SDC3: variants seen among roughly 807,000 people sequenced by gnomAD.
SDC3 encodes the protein syndecan-3.
SDC3 carries 13 observed loss-of-function variants against 24.4 expected under a neutral mutation model. The observed-to-expected ratio is 0.53, with a 90% CI of 0.35 to 0.85. The LOEUF (loss-of-function observed/expected upper bound fraction) is 0.85. Among genes scored for constraint, SDC3 ranks in the 40% least tolerant of loss-of-function variants. SDC3 has a pLI of 0.01. For missense variants in SDC3, 571 were observed against 584.5 expected, an observed-to-expected ratio of 0.98 and a Z score of 0.24; for synonymous variants, 295 against 260.9, an observed-to-expected ratio of 1.13 and a Z score of -1.26.
chr1:30,895,161 A>G lies in SDC3; in HGVS notation c.138+13288T>C, dbSNP rs150968167. Among the ~76,000 whole-genome samples the G allele has an allele frequency of 9.9e-5, 15 of 152,202 alleles. No homozygotes were observed. The East Asian group carries it at 2.7e-3, about 27-fold the overall frequency. On this transcript the variant is annotated intron_variant, in intron 1 of 4. Transcript: ENST00000339394. ...GATCCCCCTGGCATAGGCTACAAAC[A>G]CTTTTTCCTACAAAGACACCAGGGC... is the stretch of plus-strand genomic sequence containing the variant.
intron 1 of SDC3, among the ~76,000 whole-genome samples, chr1:30,899,603 C>T (rs900424941): frequency 5.3e-5 from 8 of 152,180 alleles, no homozygotes; most frequent in Admixed American, 4.6e-4. Flanking sequence ...AACTCCTGAC[C>T]TCATGATCCA....
chr1:30,897,472 T>A (rs1638296939), intron 1 of SDC3, among the ~76,000 whole-genome samples: 1 of 152,126 alleles, frequency 6.6e-6, no homozygotes, highest in South Asian at 2.1e-4. Context: ...TGGGTTAGCC[T>A]CTGCCCATAG....
intron 2 of SDC3, chr1:30,878,339 G>A (rs951607092): frequency 3.0e-6 from 1 of 332,086 alleles, no homozygotes; most frequent in Non-Finnish European, 5.7e-6. Flanking sequence ...CCGGAACCAA[G>A]CAAGGTCTGC....
At chr1:30,906,852 G>A (rs1010924925) in intron 1 of SDC3, among the ~76,000 whole-genome samples, 3 of 152,176 alleles carry the variant, frequency 2.0e-5, no homozygotes, top group African/African-American at 7.2e-5. Context: ...GACCCCAGCT[G>A]CTAGGGTGTG....
At chr1:30,877,727 A>T in intron 2 of SDC3, 1 of 156,204 alleles carries the variant, frequency 6.4e-6, no homozygotes. Flanking sequence ...GATGGGGAGT[A>T]GGGGATGGGG....
chr1:30,891,321 G>T (rs1177954999), intron 1 of SDC3, among the ~76,000 whole-genome samples: 5 of 152,152 alleles, frequency 3.3e-5, no homozygotes, highest in Non-Finnish European at 1.5e-5. Flanking sequence ...ATCTTCACCT[G>T]GCTCCCAAGC....
intron 1 of SDC3, among the ~76,000 whole-genome samples, chr1:30,889,741 C>T (rs960315750): frequency 6.6e-6 from 1 of 152,186 alleles, no homozygotes; most frequent in African/African-American, 2.4e-5. Context: ...AACCCTCACA[C>T]ACCACTGGTG....
intron 1 of SDC3, among the ~76,000 whole-genome samples, chr1:30,901,207 G>A (rs1380834419): frequency 1.3e-5 from 2 of 152,198 alleles, no homozygotes; most frequent in African/African-American, 4.8e-5. Flanking sequence ...ATCTAAGGCT[G>A]GAGAGCCAGC....
chr1:30,900,306 G>A (rs896496388), intron 1 of SDC3, among the ~76,000 whole-genome samples: 4 of 152,170 alleles, frequency 2.6e-5, no homozygotes, highest in African/African-American at 9.7e-5. Context: ...AGTATTGGCC[G>A]TTATCTTTCT....
At chr1:30,896,952 A>AAT (rs1168607326) in intron 1 of SDC3, among the ~76,000 whole-genome samples, 1 of 152,198 alleles carries the variant, frequency 6.6e-6, no homozygotes, top group Non-Finnish European at 1.5e-5. Context: ...AACAGAGTAA[A>AAT]AGTCCATGCC....
At chr1:30,876,498 T>G in intron 3 of SDC3, 54 bp downstream of exon 3, 1 of 1,223,246 alleles carries the variant, frequency 8.2e-7, no homozygotes, top group Non-Finnish European at 1.1e-6. Context: ...TCCTCATCCC[T>G]CCCCTGACCC....
At chr1:30,901,212 G>A (rs1638408405) in intron 1 of SDC3, among the ~76,000 whole-genome samples, 1 of 152,202 alleles carries the variant, frequency 6.6e-6, no homozygotes, top group Non-Finnish European at 1.5e-5. Context: ...AGGCTGGAGA[G>A]CCAGCCCCAA....
At chr1:30,907,679 A>G (rs1160230558) in intron 1 of SDC3, among the ~76,000 whole-genome samples, 1 of 151,902 alleles carries the variant, frequency 6.6e-6, no homozygotes, top group Non-Finnish European at 1.5e-5. Context: ...GCATCCACCC[A>G]TGTGGCAGAC....
Position 30,876,649 on chromosome 1 carries a change from G to C in SDC3, c.773C>G (p.Ala258Gly). The C allele has an allele frequency of 6.3e-7, 1 of 1,592,470 alleles. No individual in the cohort carries two copies. Among genetic ancestry groups the C allele is most frequent in the South Asian group, 1.1e-5 (1 of 88,552 alleles). ...LVSTATSRPR[A>G]LPRPATTQEP... ...CTGGGTGGTGGCCGGCCTGGGAAGG[G>C]CTCTTGGCCGGGAGGTAGCTGTGCT... The change falls in exon 3 of 5, where the codon GCC becomes GGC. Residue 258 changes from alanine to glycine, a missense_variant. Physicochemically the swap from Ala to Gly is moderately conservative, Grantham distance 60 (BLOSUM62 0). Coordinates refer to ENST00000339394, the MANE Select transcript of SDC3 (RefSeq NM_014654.4).
At chr1:30,884,044 G>A (rs1639784502) in intron 1 of SDC3, among the ~76,000 whole-genome samples, 1 of 152,286 alleles carries the variant, frequency 6.6e-6, no homozygotes, top group Middle Eastern at 3.4e-3. Context: ...CAAGGGGGCT[G>A]CACAATTGGG....
chr1:30,876,021 C>T (rs986305074), intron 3 of SDC3, among the ~76,000 whole-genome samples: 3 of 152,184 alleles, frequency 2.0e-5, no homozygotes, highest in African/African-American at 7.2e-5. Flanking sequence ...TAATAACAAC[C>T]GTGATGACGA....
rs771612410 is a variant in SDC3, at chr1:30,874,546, G to A, written c.913C>T (p.Pro305Ser). The A allele has an allele frequency of 4.3e-6, 7 of 1,614,016 alleles. No homozygotes were observed. In the African/African-American group the frequency reaches 6.7e-5, roughly 15 times the overall value. The stretch of plus-strand genomic sequence containing the variant: ...GGCCCCCCACTCACCGGAACCTCTG[G>A]CTCATCCCGGATTGTGGTCAGGAAG... ...ETFLTTIRDE[P>S]EVPVSGGPSG... The change falls in exon 4 of 5, where the codon CCA (proline) becomes TCA (serine). Residue 305 changes from proline to serine, a missense_variant. Pro to Ser is a moderately conservative substitution (Grantham distance 74, BLOSUM62 -1). Around this residue, in one of 2 missense-constraint regions of SDC3, gnomAD observed 497 missense variants for 471.6 expected, o/e 1.05. Transcript: ENST00000339394.
In SDC3 at chr1:30,908,512, G is replaced by A; in HGVS notation, c.75C>T (p.Pro25=). 2 of 977,414 alleles carry A rather than the reference G, an allele frequency of 2.0e-6. No individual in the cohort carries two copies. The highest frequency in any genetic ancestry group is 1.2e-4 in the East Asian group (1 of 8,484). 60.5% of individuals were successfully genotyped at this position (977,414 alleles called of 1,614,324 possible). The change falls in exon 1 of 5, where the codon CCC becomes CCT. Residue 25 remains proline, a synonymous_variant. Coordinates refer to ENST00000339394, the MANE Select transcript of SDC3 (RefSeq NM_014654.4). ...AGAGAGAAAG[P]GARGLLLPPL... ...GTGGCAGGAGCAGCCCGCGGGCCCC[G>A]GGCCCGGCCGCGGCCCCGGCCCCGG... is the stretch of plus-strand genomic sequence containing the variant.
At chr1:30,879,120 G>A (rs1330178297) in intron 1 of SDC3, 1 of 185,014 alleles carries the variant, frequency 5.4e-6, no homozygotes, top group African/African-American at 2.3e-5. Context: ...GTGTGAGCAG[G>A]CGAGGGCTGG....
Sources: gnomAD v4.1 joint callset for allele counts (sites outside exome capture counted in the v4.1 genomes callset) on GRCh38, gnomAD v4.1.1 for gene constraint, gnomAD v4.1.1 regional missense constraint, MANE v1.5 for transcripts, NCBI Gene and HGNC (gene_info 2026-07-23, HGNC 2026-07-21) for gene names.